The following ABAT variants were observed in gnomAD, a reference collection of about 807,000 sequenced individuals.
ABAT encodes 4-aminobutyrate aminotransferase, also known as 4-aminobutyrate aminotransferase, mitochondrial.
ABAT carries 45 observed loss-of-function variants against 64.6 expected under a neutral mutation model. That is an observed-to-expected ratio of 0.70 (90% CI 0.55 to 0.89). The LOEUF (loss-of-function observed/expected upper bound fraction) is 0.89. ABAT is among the 40% of genes least tolerant of loss of function. ABAT has a pLI of 0.00. For missense variants in ABAT, 633 were observed against 658.4 expected (o/e 0.96, Z 0.42); for synonymous variants, 297 against 250.5 (o/e 1.19, Z -1.75).
intron 1 of ABAT, among the ~76,000 whole-genome samples, chr16:8,678,596 G>T (rs922664095): frequency 6.6e-6 from 1 of 152,154 alleles, no homozygotes; most frequent in African/African-American, 2.4e-5. Flanking sequence ...TAGTTATCAG[G>T]GTCTTTCGAA....
At chr16:8,774,333 A>G (rs2060205740) in intron 12 of ABAT, among the ~76,000 whole-genome samples, 1 of 152,126 alleles carries the variant, frequency 6.6e-6, no homozygotes, top group South Asian at 2.1e-4. Context: ...TAAACATGGG[A>G]GTGCAGGTAT....
At chr16:8,676,976 C>T (rs1157972666) in intron 1 of ABAT, among the ~76,000 whole-genome samples, 1 of 152,186 alleles carries the variant, frequency 6.6e-6, no homozygotes, top group Non-Finnish European at 1.5e-5. Context: ...GTTTCTGCCC[C>T]CACCCAGTTC....
At chr16:8,676,178 C>G (rs530998758) in intron 1 of ABAT, among the ~76,000 whole-genome samples, 2 of 152,172 alleles carry the variant, frequency 1.3e-5, no homozygotes, top group South Asian at 4.1e-4. Context: ...TCTCGAGGCC[C>G]AAAGAGGTTA....
chr16:8,768,088 T>C, intron 9 of ABAT, 105 bp from the exon 10 acceptor site: 1 of 1,258,022 alleles, frequency 7.9e-7, no homozygotes, highest in Non-Finnish European at 1.2e-6. Flanking sequence ...GAAGGATTCC[T>C]GGTTCTTCTG....
chr16:8,761,944 G>T (rs1241460513), intron 6 of ABAT, among the ~76,000 whole-genome samples: 2 of 152,036 alleles, frequency 1.3e-5, no homozygotes, highest in African/African-American at 2.4e-5. Context: ...TTCCAATTAT[G>T]ATTTCTTTTT....
At position 8,704,814 on chromosome 16, in the gene ABAT, T is replaced by C. The variant is rs115386191; in HGVS notation, c.-42+30103T>C. On this transcript the variant is annotated intron_variant, in intron 1 of 15. Coordinates refer to ENST00000268251, the MANE Select transcript of ABAT (RefSeq NM_020686.6). ...AATCCTCTACCATTGGTCATTTACA[T>C]TGTTTTCAACTGAGCACGCTTCTTT... 1.5e-3 allele frequency among the ~76,000 whole-genome samples: 226 copies of C among 152,310 alleles called. 1 individual carries two copies. Among genetic ancestry groups the C allele is most frequent in the African/African-American group, 5.2e-3 (217 of 41,568 alleles).
At chr16:8,711,726 A>ATTGGTTGGATG (rs1489993719) in intron 1 of ABAT, among the ~76,000 whole-genome samples, 2 of 94,738 alleles carry the variant, frequency 2.1e-5, no homozygotes, top group Non-Finnish European at 4.5e-5. Context: ...ATGGATGGGA[A>ATTGGTTGGATG]GATGGATGGG....
At chr16:8,746,946 G>A (rs2059350306) in intron 3 of ABAT, among the ~76,000 whole-genome samples, 1 of 152,186 alleles carries the variant, frequency 6.6e-6, no homozygotes, top group Non-Finnish European at 1.5e-5. Flanking sequence ...GGTTGATCTA[G>A]GTTAGGCGTG....
chr16:8,776,248 CTCCTCT>C lies in ABAT; in HGVS notation c.1123-93_1123-88del. ...GTAGATGCCCACTAGATTAGTTTCTCTCCTCTTCAAGAGAGGAGGCGGGGCGCCTGG... is the reference window on the plus strand; with the variant it reads ...GTAGATGCCCACTAGATTAGTTTCTCTCAAGAGAGGAGGCGGGGCGCCTGG... On this transcript the variant is annotated intron_variant, in intron 13 of 15. Transcript: ENST00000268251. This position sits in a 1 kb window ranked among gnomAD's most constrained non-coding sequence, Gnocchi z 4.4. 2 of 1,560,284 alleles carry C rather than the reference CTCCTCT, an allele frequency of 1.3e-6. No individual in the cohort carries two copies. The highest frequency in any genetic ancestry group is 1.8e-6 in the Non-Finnish European group (2 of 1,137,634).
At chr16:8,732,375 G>A (rs868828046) in intron 1 of ABAT, among the ~76,000 whole-genome samples, 18 of 150,770 alleles carry the variant, frequency 1.2e-4, no homozygotes, top group African/African-American at 3.0e-4. Context: ...GCGGCCTTCC[G>A]CAGTGTTTGT....
chr16:8,683,189 C>G (rs2057374542), intron 1 of ABAT: 1 of 152,230 alleles, frequency 6.6e-6, no homozygotes. Context: ...ACCATGAAAG[C>G]AGAGTGGAGA....
intron 5 of ABAT, 60 bp from the exon 6 acceptor site, chr16:8,757,697 G>A (rs2059686785): frequency 6.6e-7 from 1 of 1,526,248 alleles, no homozygotes; most frequent in South Asian, 1.1e-5. Context: ...GGAGAGGTGG[G>A]AGGGGCATGG....
chr16:8,764,650 C>A lies in ABAT; in HGVS notation c.448-88C>A. 8.0e-7 allele frequency: 1 copy of A among 1,249,466 alleles called. No homozygotes were observed. The highest frequency in any genetic ancestry group is 2.0e-4 in the Middle Eastern group (1 of 5,034). 77.4% of individuals were successfully genotyped at this position (1,249,466 alleles called of 1,614,324 possible). A position where few individuals can be genotyped will look rare whatever the true frequency, so the allele number is the denominator to read the frequency against. ...CTGGTTCTGTCTGTCCCCGGTACGG[C>A]CCCTGCGAAGATTCAGCTCCAGCCA... On this transcript the variant is annotated intron_variant, in intron 7 of 15. Transcript: ENST00000268251. The surrounding 1 kb of genome is among the most constrained non-coding windows in gnomAD (Gnocchi z 4.2).
chr16:8,766,948 C>T (rs1178130454), intron 9 of ABAT, among the ~76,000 whole-genome samples: 1 of 152,068 alleles, frequency 6.6e-6, no homozygotes, highest in Admixed American at 6.6e-5. Flanking sequence ...TCCAGCCTGG[C>T]GACAGAGCAA....
chr16:8,755,345 G>T (rs1443165227), intron 5 of ABAT, among the ~76,000 whole-genome samples: 1 of 152,138 alleles, frequency 6.6e-6, no homozygotes, highest in African/African-American at 2.4e-5. Context: ...GGCAGAGGTG[G>T]GAATGAGCAT....
intron 1 of ABAT, among the ~76,000 whole-genome samples, chr16:8,725,643 T>C (rs917312248): frequency 6.6e-6 from 1 of 152,240 alleles, no homozygotes; most frequent in African/African-American, 2.4e-5. Context: ...GGGCTTTTTC[T>C]ACCTTTCGGC....
intron 11 of ABAT, 60 bp from the exon 12 acceptor site, chr16:8,772,719 AC>A: frequency 6.2e-7 from 1 of 1,610,982 alleles, no homozygotes; most frequent in Non-Finnish European, 8.5e-7. Flanking sequence ...CCAGATTCCC[AC>A]CCACGGATAC....
intron 9 of ABAT, 46 bp downstream of exon 9, chr16:8,766,316 C>T: frequency 6.3e-7 from 1 of 1,586,240 alleles, no homozygotes; most frequent in Non-Finnish European, 8.6e-7. Flanking sequence ...GGAAGCTGCA[C>T]AGCCTCTCCC....
intron 1 of ABAT, among the ~76,000 whole-genome samples, chr16:8,721,163 A>T (rs1030336455): frequency 2.0e-5 from 3 of 151,572 alleles, no homozygotes; most frequent in African/African-American, 7.3e-5. Context: ...GAGGCCAGGG[A>T]TGTCTAGTCT....
Sources: gnomAD v4.1 joint callset for allele counts (sites outside exome capture counted in the v4.1 genomes callset) on GRCh38, gnomAD v4.1.1 for gene constraint, Gnocchi (gnomAD v3.1) non-coding constraint, MANE v1.5 for transcripts, NCBI Gene and HGNC (gene_info 2026-07-23, HGNC 2026-07-21) for gene names.